The following ARMC2 variants were observed in gnomAD, a reference collection of about 807,000 sequenced individuals.
The protein encoded by ARMC2 is armadillo repeat-containing protein 2.
Under a neutral mutation model 90.3 loss-of-function variants are expected in ARMC2, and 67 were observed. The ratio of observed to expected loss-of-function variants is 0.74; its 90% CI spans 0.61 to 0.91. The LOEUF is 0.91. Ranked by LOEUF, ARMC2 falls within the 40% of genes least tolerant of loss-of-function variation. The probability of loss-of-function intolerance (pLI) is 0.00; values close to 1 mark genes in which losing one functional copy is unlikely to be tolerated. For synonymous variants in ARMC2, 393 were observed against 393.0 expected, an observed-to-expected ratio of 1.00 and a Z score of 0.00; for missense variants, 920 against 1,030.9, an observed-to-expected ratio of 0.89 and a Z score of 1.47.
At chr6:108,964,802 G>C (rs986108534) in intron 16 of ARMC2, among the ~76,000 whole-genome samples, 178 bp from the exon 17 acceptor site, 1 of 151,956 alleles carries the variant, frequency 6.6e-6, no homozygotes, top group African/African-American at 2.4e-5. Context: ...AAAAAAAAAG[G>C]TGTAGAAGTA....
chr6:108,986,214 T>C, the ARMC2 span, among the ~76,000 whole-genome samples: 1 of 152,172 alleles, frequency 6.6e-6, no homozygotes, highest in African/African-American at 2.4e-5. Context: ...TCTAAAACAG[T>C]TGAAAAGAGA....
chr6:108,980,462 C>T, the ARMC2 span, among the ~76,000 whole-genome samples: 50 of 151,244 alleles, frequency 3.3e-4, no homozygotes, highest in African/African-American at 7.8e-4. Flanking sequence ...TCAGGATACG[C>T]GGGTGGCCAG....
chr6:108,883,954 C>G (rs955268648), intron 5 of ARMC2, among the ~76,000 whole-genome samples: 1 of 151,976 alleles, frequency 6.6e-6, no homozygotes, highest in Non-Finnish European at 1.5e-5. Flanking sequence ...TGGTGGGATC[C>G]TGGATAATTT....
At chr6:108,932,564 T>C (rs1775652085) in intron 11 of ARMC2, among the ~76,000 whole-genome samples, 1 of 133,524 alleles carries the variant, frequency 7.5e-6, no homozygotes, top group Non-Finnish European at 1.5e-5. Context: ...AGTCTTGCTC[T>C]GTCGCCCAGG....
At chr6:108,945,249 G>T (rs918410079) in intron 12 of ARMC2, among the ~76,000 whole-genome samples, 1 of 152,112 alleles carries the variant, frequency 6.6e-6, no homozygotes, top group African/African-American at 2.4e-5. Flanking sequence ...CGCCTCTGAC[G>T]TCAGTGTTGC....
At chr6:108,938,290 A>G (rs1027618503) in intron 12 of ARMC2, among the ~76,000 whole-genome samples, 1 of 152,250 alleles carries the variant, frequency 6.6e-6, no homozygotes, top group African/African-American at 2.4e-5. Flanking sequence ...TTTGTTACTG[A>G]CTAGCATTGA....
intron 11 of ARMC2, among the ~76,000 whole-genome samples, chr6:108,928,491 CGT>C (rs894587094): frequency 2.6e-5 from 4 of 152,044 alleles, no homozygotes; most frequent in African/African-American, 9.7e-5. Context: ...TTGTGAGCTA[CGT>C]GTGTGTGTTT....
At chr6:108,968,742 T>C (rs1778552123) in intron 17 of ARMC2, among the ~76,000 whole-genome samples, 2 of 152,234 alleles carry the variant, frequency 1.3e-5, no homozygotes, top group Admixed American at 1.3e-4. Context: ...GCTGTTGAAT[T>C]ACCAAGGCCT....
intron 10 of ARMC2, among the ~76,000 whole-genome samples, chr6:108,913,639 A>AT (rs1773653991): frequency 6.6e-6 from 1 of 152,132 alleles, no homozygotes; most frequent in Non-Finnish European, 1.5e-5. Context: ...ATCACCTGCA[A>AT]TTTTTTCACC....
the ARMC2 span, among the ~76,000 whole-genome samples, chr6:109,029,724 G>A: frequency 4.6e-4 from 70 of 152,208 alleles, no homozygotes; most frequent in African/African-American, 1.7e-3. Context: ...TAGAGACAGA[G>A]TCTTGCCATG....
In ARMC2 at chr6:108,928,112, G is replaced by C. The variant is rs767911974; in HGVS notation, c.1375G>C (p.Val459Leu). ...VQVTATLRNL[V>L]DSSLVRSKFL... Reference sequence around the variant, plus strand: ...GGTGACTGCTACATTGAGAAACTTGGTTGATTCATCATTAGTAAGAAGTAA... The same window carrying C: ...GGTGACTGCTACATTGAGAAACTTGCTTGATTCATCATTAGTAAGAAGTAA... Residue 459 changes from valine to leucine, a missense_variant, in exon 11 of 18, where the codon GTT becomes CTT. Val to Leu is a conservative substitution (Grantham distance 32). Coordinates refer to ENST00000392644, the MANE Select transcript of ARMC2 (RefSeq NM_032131.6). 7 of 1,606,826 alleles carry C rather than the reference G, an allele frequency of 4.4e-6. No homozygotes were observed. Among genetic ancestry groups the C allele is most frequent in the Non-Finnish European group, 5.9e-6 (7 of 1,177,986 alleles).
intron 8 of ARMC2, among the ~76,000 whole-genome samples, chr6:108,909,453 T>A (rs868466711): frequency 1.6e-4 from 23 of 148,024 alleles, no homozygotes; most frequent in Admixed American, 2.0e-4. Flanking sequence ...CTTTGCTTTT[T>A]AAAAAAAAAA....
rs745850721 is a variant in ARMC2, at chr6:108,961,575, A to G, written c.1919A>G (p.Tyr640Cys). 9.3e-6 allele frequency: 15 copies of G among 1,606,336 alleles called. No homozygotes were observed. The East Asian group carries it at 3.1e-4, about 33-fold the overall frequency. Residue 640 changes from tyrosine (Y) to cysteine (C), a missense_variant, in exon 14 of 18, where the codon TAC becomes TGC. Physicochemically the swap from Tyr to Cys is radical, Grantham distance 194. Coordinates refer to ENST00000392644, the MANE Select transcript of ARMC2 (RefSeq NM_032131.6). Reference protein sequence around the residue: ...IVGLLLTTLEYKSLDDCEELV... With the variant: ...IVGLLLTTLECKSLDDCEELV... ...CCTTATCCTTACTTCATTTCAGAAT[A>G]CAAGTCACTTGATGATTGTGAGGAG... is the stretch of plus-strand genomic sequence containing the variant.
the ARMC2 span, among the ~76,000 whole-genome samples, chr6:109,021,560 C>T: frequency 2.6e-4 from 40 of 152,090 alleles, no homozygotes; most frequent in East Asian, 7.8e-4. Context: ...GCCTCAGCCT[C>T]GCAATTAGCT....
the ARMC2 span, among the ~76,000 whole-genome samples, chr6:109,046,603 T>C: frequency 1.4e-5 from 2 of 138,046 alleles, no homozygotes; most frequent in African/African-American, 2.7e-5. Flanking sequence ...GTGAGGAGCG[T>C]CTGCGCCCGG....
At chr6:109,025,285 G>T in the ARMC2 span, among the ~76,000 whole-genome samples, 5 of 151,604 alleles carry the variant, frequency 3.3e-5, no homozygotes, top group Non-Finnish European at 7.4e-5. Context: ...AGGAGGTGGG[G>T]GATGAATTCC....
At chr6:108,868,759 T>C in intron 3 of ARMC2, 65 bp from the exon 4 acceptor site, 2 of 1,506,648 alleles carry the variant, frequency 1.3e-6, no homozygotes, top group South Asian at 2.5e-5. Context: ...TGTGGCCAGC[T>C]CTGAGGTAAG....
intron 12 of ARMC2, among the ~76,000 whole-genome samples, chr6:108,952,101 TATA>T (rs1777233595): frequency 6.6e-6 from 1 of 152,182 alleles, no homozygotes; most frequent in African/African-American, 2.4e-5. Context: ...TAGATATAGA[TATA>T]ATACCATCCA....
chr6:108,922,688 A>C (rs1485743526), intron 10 of ARMC2, among the ~76,000 whole-genome samples: 1 of 152,182 alleles, frequency 6.6e-6, no homozygotes, highest in Non-Finnish European at 1.5e-5. Flanking sequence ...GAAAACTTTG[A>C]GGCTTACATA....
Sources: allele counts gnomAD v4.1 joint callset (sites outside exome capture counted in the v4.1 genomes callset), GRCh38; gene constraint gnomAD v4.1.1; transcripts MANE v1.5; gene names NCBI Gene and HGNC (gene_info 2026-07-23, HGNC 2026-07-21).